The following NTM variants were observed in gnomAD, a reference collection of about 807,000 sequenced individuals.
The protein encoded by NTM is neurotrimin.
NTM carries 13 observed loss-of-function variants against 42.1 expected under a neutral mutation model. The observed-to-expected ratio is 0.31, with a 90% CI of 0.20 to 0.49. The LOEUF (loss-of-function observed/expected upper bound fraction) is 0.49, where lower values mean the gene tolerates loss of function less well. NTM is among the 20% of genes least tolerant of loss of function. The probability of loss-of-function intolerance (pLI) is 0.99; values close to 1 mark genes in which losing one functional copy is unlikely to be tolerated. For synonymous variants in NTM, 187 were observed against 179.2 expected (o/e 1.04, Z -0.35); for missense variants, 373 against 452.8 (o/e 0.82, Z 1.60).
intron 2 of NTM, among the ~76,000 whole-genome samples, chr11:131,916,566 T>C (rs2056419383): frequency 1.3e-5 from 2 of 152,220 alleles, no homozygotes; most frequent in African/African-American, 4.8e-5. Context: ...AATGTGGTTT[T>C]GATACTTGAG....
At chr11:132,317,142 C>T (rs2095449733) in intron 7 of NTM, among the ~76,000 whole-genome samples, 1 of 152,174 alleles carries the variant, frequency 6.6e-6, no homozygotes, top group South Asian at 2.1e-4. Context: ...CCATCACAAG[C>T]ACCTGATCGC....
intron 1 of NTM, among the ~76,000 whole-genome samples, chr11:131,557,612 G>A (rs1369467351): frequency 2.0e-5 from 3 of 152,152 alleles, no homozygotes; most frequent in Admixed American, 2.0e-4. Flanking sequence ...ATATGACTAT[G>A]CTGTATCAAC....
intron 1 of NTM, among the ~76,000 whole-genome samples, chr11:131,774,583 T>A (rs1023454898): frequency 6.6e-6 from 1 of 152,160 alleles, no homozygotes; most frequent in Non-Finnish European, 1.5e-5. Flanking sequence ...AGTGTAAGAT[T>A]TTTTGGCTCC....
chr11:131,795,349 ATGTTAT>A (rs2136183437), intron 1 of NTM: 1 of 976,956 alleles, frequency 1.0e-6, no homozygotes, highest in East Asian at 1.1e-4. Flanking sequence ...TAAGTGGGAG[ATGTTAT>A]TGTTATGAGC....
chr11:131,451,675 A>T (rs1285883448), intron 1 of NTM, among the ~76,000 whole-genome samples: 1 of 152,148 alleles, frequency 6.6e-6, no homozygotes, highest in Non-Finnish European at 1.5e-5. Context: ...TTTGTGGATG[A>T]TAGACCAAAT....
intron 7 of NTM, among the ~76,000 whole-genome samples, chr11:132,321,865 G>A (rs1324445522): frequency 4.7e-5 from 7 of 149,160 alleles, no homozygotes; most frequent in Non-Finnish European, 7.4e-5. Context: ...GAGAGTGGGG[G>A]CCAATATTCA....
At chr11:131,705,600 A>G (rs2076515920) in intron 1 of NTM, among the ~76,000 whole-genome samples, 1 of 152,168 alleles carries the variant, frequency 6.6e-6, no homozygotes, top group African/African-American at 2.4e-5. Flanking sequence ...TAATTCTGCT[A>G]TAGAAGTTAA....
At chr11:131,751,105 T>C (rs2082441850) in intron 1 of NTM, among the ~76,000 whole-genome samples, 2 of 152,140 alleles carry the variant, frequency 1.3e-5, no homozygotes, top group Admixed American at 6.5e-5. Context: ...GCCTATCCCC[T>C]GATATCCTCT....
At chr11:132,273,401 C>A (rs906082228) in intron 4 of NTM, among the ~76,000 whole-genome samples, 1 of 123,402 alleles carries the variant, frequency 8.1e-6, no homozygotes, top group Non-Finnish European at 1.6e-5. Context: ...CTTGTGATAT[C>A]TGCCTGGTCT....
intron 2 of NTM, among the ~76,000 whole-genome samples, chr11:132,092,421 A>G (rs1209001943): frequency 6.6e-6 from 1 of 152,126 alleles, no homozygotes; most frequent in Non-Finnish European, 1.5e-5. Flanking sequence ...GGAACTTTGC[A>G]CTTGACCCAC....
At chr11:132,185,968 C>A (rs1010671083) in intron 3 of NTM, among the ~76,000 whole-genome samples, 5 of 152,206 alleles carry the variant, frequency 3.3e-5, no homozygotes, top group African/African-American at 1.2e-4. Context: ...ATAACTGCCG[C>A]CCTTGCCTAT....
At chr11:131,631,682 A>G (rs1264685133) in intron 1 of NTM, among the ~76,000 whole-genome samples, 4 of 152,172 alleles carry the variant, frequency 2.6e-5, no homozygotes, top group Non-Finnish European at 4.4e-5. Context: ...CTAATTTTAA[A>G]TGTTAATGCA....
rs75154228 is a variant in NTM at position 132,306,004 on chromosome 11, C to T, written c.527-1685C>T. Among the ~76,000 whole-genome samples, 391 of 152,202 alleles carry T rather than the reference C, an allele frequency of 2.6e-3. 3 individuals are homozygous for T. Among genetic ancestry groups the T allele is most frequent in the African/African-American group, 8.3e-3 (346 of 41,522 alleles). On this transcript the variant is annotated intron_variant, in intron 4 of 8. Transcript: ENST00000683400. Reference sequence around the variant, plus strand: ...TCTGTATGTAACAGAGGCAAGAAACCGTCTGTACATACATAGTGTAGTTTG... The same window carrying T: ...TCTGTATGTAACAGAGGCAAGAAACTGTCTGTACATACATAGTGTAGTTTG...
At chr11:131,605,245 G>GT (rs1429619698) in intron 1 of NTM, among the ~76,000 whole-genome samples, 1 of 152,128 alleles carries the variant, frequency 6.6e-6, no homozygotes, top group Non-Finnish European at 1.5e-5. Context: ...ATGTTTTATA[G>GT]TTTTCAGAGT....
At chr11:131,910,599 G>C (rs936481888) in intron 1 of NTM, among the ~76,000 whole-genome samples, 6 of 150,892 alleles carry the variant, frequency 4.0e-5, no homozygotes, top group African/African-American at 7.3e-5. Context: ...CCCGGCGGTC[G>C]GGGCCCGCGC....
intron 5 of NTM, 72 bp downstream of exon 5, chr11:132,307,895 C>A: frequency 6.9e-7 from 1 of 1,449,826 alleles, no homozygotes; most frequent in Non-Finnish European, 9.5e-7. Flanking sequence ...CCACCCAGAG[C>A]CCATTGGCAC....
chr11:132,021,524 T>C (rs1266703947), intron 2 of NTM, among the ~76,000 whole-genome samples: 4 of 152,186 alleles, frequency 2.6e-5, no homozygotes, highest in Admixed American at 2.6e-4. Context: ...GCAAAGGTTG[T>C]ATTTTGCTGT....
chr11:131,625,968 G>A (rs530261434), intron 1 of NTM, among the ~76,000 whole-genome samples: 3 of 152,264 alleles, frequency 2.0e-5, no homozygotes, highest in East Asian at 1.9e-4. Flanking sequence ...CTGTACTTTC[G>A]AAGGGCATCT....
chr11:132,077,890 C>T (rs775063445), intron 2 of NTM, among the ~76,000 whole-genome samples: 1 of 152,178 alleles, frequency 6.6e-6, no homozygotes, highest in Non-Finnish European at 1.5e-5. Context: ...TTTGAACTCC[C>T]ACACCTATCC....
Sources: gnomAD v4.1 joint callset for allele counts (sites outside exome capture counted in the v4.1 genomes callset) on GRCh38, gnomAD v4.1.1 for gene constraint, MANE v1.5 for transcripts, NCBI Gene and HGNC (gene_info 2026-07-23, HGNC 2026-07-21) for gene names.